Variants in NTRK2 observed in about 807,000 individuals in gnomAD.
The protein encoded by NTRK2 is neurotrophic receptor tyrosine kinase 2.
In NTRK2, 13 loss-of-function variants were observed where a neutral mutation model predicts 94.5. That is an observed-to-expected ratio of 0.14 (90% CI 0.09 to 0.22). The LOEUF is 0.22. NTRK2 is among the 10% of genes least tolerant of loss of function. NTRK2 has a pLI of 1.00. For missense variants in NTRK2, 639 were observed against 1,071.2 expected (o/e 0.60, Z 5.63); for synonymous variants, 372 against 407.4 (o/e 0.91, Z 1.05).
chr9:84,842,921 T>C (rs779736269), intron 12 of NTRK2, among the ~76,000 whole-genome samples: 1 of 152,222 alleles, frequency 6.6e-6, no homozygotes, highest in African/African-American at 2.4e-5. Context: ...AGGCAGAGTA[T>C]GTACCTAGAG....
At chr9:84,955,183 G>A (rs1588037063) in intron 16 of NTRK2, 100 bp from the exon 17 acceptor site, 2 of 942,154 alleles carry the variant, frequency 2.1e-6, no homozygotes, top group Non-Finnish European at 3.3e-6. Context: ...CAGGGTGGGG[G>A]TGAGGAGCTT....
At chr9:84,674,995 G>T (rs1257986120) in intron 2 of NTRK2, among the ~76,000 whole-genome samples, 3 of 152,124 alleles carry the variant, frequency 2.0e-5, no homozygotes, top group Non-Finnish European at 2.9e-5. Context: ...AGAAGAGCCT[G>T]GGCTGTATGT....
At chr9:84,869,149 A>G (rs2075728441) in intron 14 of NTRK2, among the ~76,000 whole-genome samples, 2 of 152,194 alleles carry the variant, frequency 1.3e-5, no homozygotes, top group African/African-American at 4.8e-5. Context: ...ATTCAGAAAG[A>G]AAGATTTCAA....
At chr9:84,877,875 C>G (rs189187249) in intron 14 of NTRK2, 9 of 1,029,208 alleles carry the variant, frequency 8.7e-6, no homozygotes, top group Non-Finnish European at 1.1e-5. Context: ...ACGCATATAC[C>G]AATAAAGACA....
rs528497774 is a variant in NTRK2, at chr9:85,011,277, A to T, written c.2173-8929A>T. 2.0e-5 allele frequency among the ~76,000 whole-genome samples: 3 copies of T among 152,282 alleles called. 1 individual carries two copies. In the South Asian group the frequency reaches 6.2e-4, roughly 32 times the overall value. On this transcript the variant is annotated intron_variant, in intron 17 of 18. Transcript: ENST00000277120. ...GGGCCACAGATTTGGATTCTGGACC[A>T]GAATTGCCCACCTCCTAGTATTCAG...
chr9:84,877,373 C>T (rs199660308), intron 14 of NTRK2: 16 of 1,065,994 alleles, frequency 1.5e-5, no homozygotes, highest in Non-Finnish European at 1.8e-5. Context: ...GGGATTAGTT[C>T]ATATGGTCCC....
At chr9:84,724,134 T>C in intron 7 of NTRK2, 90 bp from the exon 8 acceptor site, 1 of 1,359,538 alleles carries the variant, frequency 7.4e-7, no homozygotes, top group South Asian at 1.2e-5. Context: ...TATATACATA[T>C]TTTCTCTAGT....
intron 12 of NTRK2, among the ~76,000 whole-genome samples, chr9:84,828,986 T>G (rs564397728): frequency 2.9e-4 from 43 of 146,630 alleles, no homozygotes; most frequent in Admixed American, 7.6e-4. Context: ...ATCTATGGTG[T>G]TTTTTTTTTG....
Position 84,811,008 on chromosome 9 carries a change from G to C in NTRK2, c.1397-50032G>C, listed in dbSNP as rs566924147. The C allele has an allele frequency of 2.7e-6, 3 of 1,113,186 alleles. No homozygotes were observed. The South Asian group carries it at 1.1e-4, about 41-fold the overall frequency. 69.0% of individuals were successfully genotyped at this position (1,113,186 alleles called of 1,614,324 possible). ...AAAAAAAAATTAAAGTTGAGAACAG[G>C]TATAAGTGCACACTGAATAGTCTAA... On this transcript the variant is annotated intron_variant, in intron 12 of 18. Coordinates refer to ENST00000277120, the MANE Select transcript of NTRK2 (RefSeq NM_006180.6).
chr9:84,836,371 C>A (rs980483186), intron 12 of NTRK2, among the ~76,000 whole-genome samples: 2 of 151,748 alleles, frequency 1.3e-5, no homozygotes, highest in East Asian at 3.9e-4. Flanking sequence ...CTGCAAGGAA[C>A]TGAAACATCT....
Position 84,674,474 on chromosome 9 carries a change from T to TA in NTRK2, c.212+3523dup, listed in dbSNP as rs199504050. Among the ~76,000 whole-genome samples the TA allele has an allele frequency of 8.3e-3, 1,262 of 151,934 alleles. 4 individuals are homozygous for TA. The highest frequency in any genetic ancestry group is 0.01 in the Non-Finnish European group (689 of 67,926). On this transcript the variant is annotated intron_variant, in intron 2 of 18. Coordinates refer to ENST00000277120, the MANE Select transcript of NTRK2 (RefSeq NM_006180.6). ...CTTTGCCATTGCAATTAATTGTACTTAAAAAAAAATCCTGGCATTCACAAA... is the reference window on the plus strand; with the variant it reads ...CTTTGCCATTGCAATTAATTGTACTTAAAAAAAAAATCCTGGCATTCACAAA...
chr9:84,894,184 C>CGGG (rs1564440912), intron 14 of NTRK2, among the ~76,000 whole-genome samples: 7 of 4,328 alleles, frequency 1.6e-3, no homozygotes, highest in African/African-American at 0.014. Context: ...ATTTTTATAA[C>CGGG]ACATTGAATA....
chr9:84,776,283 A>G (rs1588519139), intron 12 of NTRK2, among the ~76,000 whole-genome samples: 2 of 152,148 alleles, frequency 1.3e-5, no homozygotes, highest in Non-Finnish European at 2.9e-5. Flanking sequence ...GTGCAGCAGC[A>G]TGATCTCAGC....
intron 17 of NTRK2, among the ~76,000 whole-genome samples, chr9:84,962,030 G>A (rs1013378349): frequency 2.6e-5 from 4 of 152,192 alleles, no homozygotes; most frequent in Non-Finnish European, 4.4e-5. Context: ...ATACGCTCTT[G>A]AGGCTATTAT....
intron 14 of NTRK2, among the ~76,000 whole-genome samples, chr9:84,919,686 T>C (rs1217728071): frequency 6.6e-6 from 1 of 152,238 alleles, no homozygotes; most frequent in East Asian, 1.9e-4. Context: ...AGTTTGTCTG[T>C]AATATTTAAC....
At chr9:85,010,255 G>C (rs890835285) in intron 17 of NTRK2, among the ~76,000 whole-genome samples, 2 of 152,150 alleles carry the variant, frequency 1.3e-5, no homozygotes, top group Non-Finnish European at 2.9e-5. Context: ...TGGAGTTTTG[G>C]TCCTAAACCA....
chr9:84,821,605 A>G (rs1287191939), intron 12 of NTRK2, among the ~76,000 whole-genome samples: 1 of 152,198 alleles, frequency 6.6e-6, no homozygotes, highest in East Asian at 1.9e-4. Context: ...TCCAAGATGT[A>G]AGGATTGAGT....
At chr9:84,806,900 C>T (rs1017097374) in intron 12 of NTRK2, among the ~76,000 whole-genome samples, 2 of 152,194 alleles carry the variant, frequency 1.3e-5, no homozygotes, top group African/African-American at 4.8e-5. Context: ...TAAACATTTT[C>T]CAGAAGACTT....
At chr9:84,993,675 GC>G (rs1829375101) in intron 17 of NTRK2, among the ~76,000 whole-genome samples, 1 of 152,078 alleles carries the variant, frequency 6.6e-6, no homozygotes, top group African/African-American at 2.4e-5. Context: ...CCTTTCTCTG[GC>G]CTGCGACATC....
Sources: allele counts gnomAD v4.1 joint callset (sites outside exome capture counted in the v4.1 genomes callset), GRCh38; gene constraint gnomAD v4.1.1; transcripts MANE v1.5; gene names NCBI Gene and HGNC (gene_info 2026-07-23, HGNC 2026-07-21).